PAGE3: variants seen among roughly 807,000 people sequenced by gnomAD.
PAGE3 encodes P antigen family member 3.
A neutral mutation model predicts 3.8 loss-of-function variants in PAGE3; 9 were observed. The observed-to-expected ratio is 2.36, with a 90% confidence interval of 1.42 to 4.12. PAGE3 has a LOEUF of 4.12. Among genes scored for constraint, PAGE3 ranks in the 30% most tolerant of loss-of-function variants. The pLI, the probability that PAGE3 is intolerant of heterozygous loss-of-function variation, is 0.00. For missense variants in PAGE3, 73 were observed against 37.8 expected, an observed-to-expected ratio of 1.93 and a Z score of -2.44; for synonymous variants, 24 against 13.1, an observed-to-expected ratio of 1.83 and a Z score of -1.79.
chrX:55,262,077 G>A (rs1383979605), intron 3 of PAGE3, among the ~76,000 whole-genome samples: 1 of 111,515 alleles, frequency 9.0e-6, no homozygotes, highest in East Asian at 2.8e-4. Context: ...AGAATAATGG[G>A]AAGTGGAATG....
rs1938329104 is a variant in PAGE3 at position 55,263,326 on chromosome X, G to A, written c.118C>T (p.Gln40Ter). 8.8e-6 allele frequency: 5 copies of A among 569,926 alleles called. No individual in the cohort carries two copies. The East Asian group carries it at 1.6e-4, about 19-fold the overall frequency. 47.0% of individuals were successfully genotyped at this position (569,926 alleles called of 1,213,427 possible). A position where few individuals can be genotyped will look rare whatever the true frequency, so the allele number is the denominator to read the frequency against. ...TGACTTTCAATTGGTGGTTCCTCTT[G>A]TTGAAGCTGGTCATTACTGGGCAGC... ...QELPSNDQLQ[Q>*]EEPPIESQDY... Residue 40 changes from glutamine to a stop codon, truncating the protein, a stop_gained, in exon 3 of 5, where the codon CAA (glutamine) becomes TAA (stop). Transcript: ENST00000374951. LOFTEE classifies it high-confidence loss of function.
intron 2 of PAGE3, 50 bp from the exon 3 acceptor site, chrX:55,263,409 C>A: frequency 1.9e-6 from 1 of 521,929 alleles, no homozygotes; most frequent in Non-Finnish European, 3.5e-6. Flanking sequence ...ATTAATAATG[C>A]ATGTCAATAA....
chrX:55,264,890 C>CAGCAGAG lies in PAGE3; in HGVS notation c.-354_-353insCTCTGCT, dbSNP rs200628963. ...CTCAGGGCAGAGCTCTGAGCGCAGACAGCAGACAGCAGACAGCAGACAGCA... is the reference window on the plus strand; with the variant it reads ...CTCAGGGCAGAGCTCTGAGCGCAGACAGCAGAGAGCAGACAGCAGACAGCAGACAGCA... On this transcript the variant is annotated 5_prime_UTR_variant, in exon 1 of 5. Coordinates refer to ENST00000374951, the MANE Select transcript of PAGE3 (RefSeq NM_001017931.3). 713 of 110,801 alleles carry CAGCAGAG rather than the reference C, an allele frequency of 6.4e-3. 5 individuals carry two copies. In the Middle Eastern group the frequency reaches 0.098, roughly 15 times the overall value. The allele number at this position is 110,801 out of a possible 1,213,427, so 9.1% of individuals were successfully genotyped here.
In PAGE3 at chrX:55,263,465, T is replaced by C. The variant is rs748925033; in HGVS notation, c.85-106A>G. The C allele has an allele frequency of 1.8e-5, 8 of 433,678 alleles. No homozygotes were observed. The African/African-American group carries it at 2.0e-4, about 11-fold the overall frequency. The allele number at this position is 433,678 out of a possible 1,213,427, so 35.7% of individuals were successfully genotyped here. A position where few individuals can be genotyped will look rare whatever the true frequency, so the allele number is the denominator to read the frequency against. On this transcript the variant is annotated intron_variant, in intron 2 of 4. Coordinates refer to ENST00000374951, the MANE Select transcript of PAGE3 (RefSeq NM_001017931.3). ...AAATATATCTTACCATAAATAAGTC[T>C]AAAGACATTTTTTTCCTACACAATT...
chrX:55,263,904 G>T lies in PAGE3; in HGVS notation c.-1C>A. 1 of 564,018 alleles carries T rather than the reference G, an allele frequency of 1.8e-6. No homozygotes were observed. The highest frequency in any genetic ancestry group is 2.2e-5 in the Admixed American group (1 of 44,458). The allele number at this position is 564,018 out of a possible 1,213,427, so 46.5% of individuals were successfully genotyped here. A position where few individuals can be genotyped will look rare whatever the true frequency, so the allele number is the denominator to read the frequency against. ...ATCTTGTTCTTTGATGTCCACTCATGTTTCACTCTGAAAGTGGCATACTGT... is the reference window on the plus strand; with the variant it reads ...ATCTTGTTCTTTGATGTCCACTCATTTTTCACTCTGAAAGTGGCATACTGT... On this transcript the variant is annotated 5_prime_UTR_variant, in exon 2 of 5. Coordinates refer to ENST00000374951, the MANE Select transcript of PAGE3 (RefSeq NM_001017931.3).
intron 4 of PAGE3, among the ~76,000 whole-genome samples, chrX:55,259,907 A>G (rs1487958343): frequency 9.0e-6 from 1 of 111,342 alleles, no homozygotes; most frequent in African/African-American, 3.3e-5. Context: ...TTCTAATGGA[A>G]TGGATCAGGA....
chrX:55,263,515 TACTACAAGAG>T (rs1314932916), intron 2 of PAGE3, among the ~76,000 whole-genome samples, 156 bp from the exon 3 acceptor site: 2 of 112,349 alleles, frequency 1.8e-5, no homozygotes, highest in Admixed American at 1.9e-4. Flanking sequence ...TCTTAATAGT[TACTACAAGAG>T]AAAGTTACCC....
intron 4 of PAGE3, among the ~76,000 whole-genome samples, chrX:55,259,729 T>G (rs1049126215): frequency 3.6e-5 from 4 of 111,155 alleles, no homozygotes; most frequent in African/African-American, 1.3e-4. Flanking sequence ...ATATTTTTCC[T>G]TCTCCCTTAT....
Position 55,260,729 on chromosome X carries a change from C to T in PAGE3, c.194-70G>A, listed in dbSNP as rs1335326408. ...ATATAAATAAAAGAATGATAATATTCACTCCCTCAATGTTATGAAATAAAA... is the reference window on the plus strand; with the variant it reads ...ATATAAATAAAAGAATGATAATATTTACTCCCTCAATGTTATGAAATAAAA... On this transcript the variant is annotated intron_variant, in intron 3 of 4. Coordinates refer to ENST00000374951, the MANE Select transcript of PAGE3 (RefSeq NM_001017931.3). 3 of 435,414 alleles carry T rather than the reference C, an allele frequency of 6.9e-6. No individual in the cohort carries two copies. The South Asian group carries it at 1.2e-4, about 17-fold the overall frequency. 35.9% of individuals were successfully genotyped at this position (435,414 alleles called of 1,213,427 possible). A position where few individuals can be genotyped will look rare whatever the true frequency, so the allele number is the denominator to read the frequency against.
At chrX:55,262,749 C>T (rs1938311158) in intron 3 of PAGE3, among the ~76,000 whole-genome samples, 1 of 101,456 alleles carries the variant, frequency 9.9e-6, no homozygotes, top group Non-Finnish European at 2.0e-5. Flanking sequence ...ATATATATCA[C>T]ATACCATATA....
intron 4 of PAGE3, among the ~76,000 whole-genome samples, chrX:55,259,476 A>C (rs1304377538): frequency 9.0e-6 from 1 of 111,304 alleles, no homozygotes; most frequent in African/African-American, 3.3e-5. Context: ...CATATCAAAC[A>C]TTGCATCAAA....
chrX:55,259,872 C>T (rs953519618), intron 4 of PAGE3, among the ~76,000 whole-genome samples: 1 of 110,469 alleles, frequency 9.1e-6, no homozygotes, highest in African/African-American at 3.3e-5. Context: ...TGAACATAGC[C>T]TGAAAAATAT....
chrX:55,258,903 T>A (rs919337217), intron 4 of PAGE3, among the ~76,000 whole-genome samples: 1 of 111,691 alleles, frequency 9.0e-6, no homozygotes, highest in Non-Finnish European at 1.9e-5. Context: ...TTTGAAATAA[T>A]GTTTTGAATA....
rs1938350616 is a variant in PAGE3, at chrX:55,264,283, T to C, written c.-9+263A>G. ...CCATTTACCCCCTAAAATCAAGTTT[T>C]ATTGGAACGCACAGCCTCTCCCATT... On this transcript the variant is annotated intron_variant, in intron 1 of 4. Transcript: ENST00000374951. Among the ~76,000 whole-genome samples the C allele has an allele frequency of 2.7e-5, 3 of 110,767 alleles. No individual in the cohort carries two copies. The South Asian group carries it at 1.2e-3, about 44-fold the overall frequency.
At chrX:55,263,724 A>C (rs1938339573) in intron 2 of PAGE3, 96 bp downstream of exon 2, 1 of 445,133 alleles carries the variant, frequency 2.2e-6, no homozygotes, top group African/African-American at 2.5e-5. Flanking sequence ...ACCATTTACA[A>C]GCATGGAAAA....
Position 55,263,864 on chromosome X carries a change from T to C in PAGE3, c.40A>G (p.Arg14Gly). 2 of 569,605 alleles carry C rather than the reference T, an allele frequency of 3.5e-6. No homozygotes were observed. Among genetic ancestry groups the C allele is most frequent in the South Asian group, 2.2e-5 (1 of 44,563 alleles). 46.9% of individuals were successfully genotyped at this position (569,605 alleles called of 1,213,427 possible). ...TGATTAGAGTCTTGATCATCTCTTC[T>C]TTCTCTAGATCTGGATCTTGTTCTT... ...HQRTRSRSRERRDDQDSNHPV... is the reference protein window; with the variant it reads ...HQRTRSRSREGRDDQDSNHPV... The change falls in exon 2 of 5, where the codon AGA becomes GGA. Residue 14 changes from arginine to glycine, a missense_variant. Arg to Gly is a moderately radical substitution (Grantham distance 125). Coordinates refer to ENST00000374951, the MANE Select transcript of PAGE3 (RefSeq NM_001017931.3).
chrX:55,260,452 T>C (rs959965081), intron 4 of PAGE3, 82 bp downstream of exon 4: 5 of 462,977 alleles, frequency 1.1e-5, no homozygotes, highest in Non-Finnish European at 1.9e-5. Flanking sequence ...ATATTAGCAG[T>C]AGTGGTACCT....
At position 55,262,942 on chromosome X, in the gene PAGE3, A is replaced by T. The variant is rs1938317172; in HGVS notation, c.193+309T>A. Among the ~76,000 whole-genome samples, 6 of 108,839 alleles carry T rather than the reference A, an allele frequency of 5.5e-5. No homozygotes were observed. In the Admixed American group the frequency reaches 6.0e-4, roughly 11 times the overall value. 94.5% of individuals were successfully genotyped at this position (108,839 alleles called of 115,157 possible). A position where few individuals can be genotyped will look rare whatever the true frequency, so the allele number is the denominator to read the frequency against. On this transcript the variant is annotated intron_variant, in intron 3 of 4. Transcript: ENST00000374951. ...ATATAATTACTAAGAAGGACAGACAATATTCTAAGATCAAGTTTAACTAGT... is the reference window on the plus strand; with the variant it reads ...ATATAATTACTAAGAAGGACAGACATTATTCTAAGATCAAGTTTAACTAGT...
intron 3 of PAGE3, 25 bp downstream of exon 3, chrX:55,263,226 G>C: frequency 1.8e-6 from 1 of 558,331 alleles, no homozygotes; most frequent in Non-Finnish European, 3.3e-6. Context: ...CCATTCATAG[G>C]CATTCTTCCT....
Sources: gnomAD v4.1 joint callset for allele counts (sites outside exome capture counted in the v4.1 genomes callset) on GRCh38, gnomAD v4.1.1 for gene constraint, MANE v1.5 for transcripts, NCBI Gene and HGNC (gene_info 2026-07-23, HGNC 2026-07-21) for gene names.